CBLB: variants seen among roughly 807,000 people sequenced by gnomAD.
CBLB encodes the protein E3 ubiquitin-protein ligase CBL-B.
In CBLB, 31 loss-of-function variants were observed where a neutral mutation model predicts 104.9. That is an observed-to-expected ratio of 0.30 (90% CI 0.22 to 0.40). CBLB has a LOEUF of 0.40. Ranked by LOEUF, CBLB falls within the 10% of genes least tolerant of loss-of-function variation. The pLI is 1.00. For synonymous variants in CBLB, 440 were observed against 422.6 expected, an observed-to-expected ratio of 1.04 and a Z score of -0.51; for missense variants, 1,062 against 1,214.6, an observed-to-expected ratio of 0.87 and a Z score of 1.87.
At chr3:105,855,750 T>C (rs2091522468) in intron 2 of CBLB, among the ~76,000 whole-genome samples, 2 of 152,210 alleles carry the variant, frequency 1.3e-5, no homozygotes, top group Admixed American at 1.3e-4. Flanking sequence ...ATTATTTCTC[T>C]AATCACTTGT....
At chr3:105,867,308 G>T (rs2092480554) in intron 2 of CBLB, 102 bp downstream of exon 2, 2 of 1,057,530 alleles carry the variant, frequency 1.9e-6, no homozygotes, top group Middle Eastern at 2.4e-4. Flanking sequence ...AAAGATTGTT[G>T]CCATAACAAT....
intron 10 of CBLB, among the ~76,000 whole-genome samples, chr3:105,712,824 T>C (rs2071298253): frequency 6.6e-6 from 1 of 152,198 alleles, no homozygotes; most frequent in African/African-American, 2.4e-5. Flanking sequence ...ATACAACCAA[T>C]TGCTTGGTAA....
chr3:105,743,521 T>C (rs2075816713), intron 6 of CBLB, among the ~76,000 whole-genome samples: 1 of 151,634 alleles, frequency 6.6e-6, no homozygotes, highest in Non-Finnish European at 1.5e-5. Flanking sequence ...ATCTTTCATG[T>C]TGACGAGGTG....
intron 10 of CBLB, 89 bp from the exon 11 acceptor site, chr3:105,704,262 T>C: frequency 8.2e-7 from 1 of 1,215,236 alleles, no homozygotes; most frequent in South Asian, 1.2e-5. Context: ...TGGAAGAAGG[T>C]TTCTGGCACC....
chr3:105,679,081 G>A (rs956129365), intron 16 of CBLB, among the ~76,000 whole-genome samples: 3 of 151,884 alleles, frequency 2.0e-5, no homozygotes, highest in Admixed American at 6.6e-5. Flanking sequence ...TTAACCTAAT[G>A]TTTCATATAT....
intron 2 of CBLB, among the ~76,000 whole-genome samples, chr3:105,854,835 C>G (rs569598712): frequency 6.6e-6 from 1 of 152,014 alleles, no homozygotes; most frequent in South Asian, 2.1e-4. Context: ...ATTTCACCAT[C>G]TTTGTCAGGC....
chr3:105,690,651 G>A (rs1194473469), intron 13 of CBLB, among the ~76,000 whole-genome samples: 6 of 151,840 alleles, frequency 4.0e-5, no homozygotes, highest in Middle Eastern at 3.2e-3. Context: ...GTGAAACCCC[G>A]TCTCCACTAA....
intron 6 of CBLB, among the ~76,000 whole-genome samples, chr3:105,744,141 A>G (rs2075883975): frequency 6.6e-6 from 1 of 152,202 alleles, no homozygotes. Context: ...GTTGTTCTCA[A>G]TATTGTAATT....
At chr3:105,693,733 T>C in intron 12 of CBLB, 145 bp from the exon 13 acceptor site, 1 of 672,884 alleles carries the variant, frequency 1.5e-6, no homozygotes, top group Non-Finnish European at 2.7e-6. Flanking sequence ...CAGGAGTCAG[T>C]AGCACCACAC....
At position 105,853,459 on chromosome 3, in the gene CBLB, A is replaced by G. The variant is rs146130148; in HGVS notation, c.374T>C (p.Phe125Ser). Residue 125 changes from phenylalanine to serine, a missense_variant, in exon 3 of 19, where the codon TTT becomes TCT. Physicochemically the swap from Phe to Ser is radical, Grantham distance 155. Around this residue, in one of 2 missense-constraint regions of CBLB, gnomAD observed 457 missense variants for 632.0 expected, o/e 0.72. Transcript: ENST00000394030. ...MKKSKRAIRL[F>S]KEGKERMYEE... ...ATACATTCTCTCCTTGCCTTCTTTA[A>G]AGAGTCTTATTGCCCGTTTTGACTT... The G allele has an allele frequency of 5.0e-6, 8 of 1,613,468 alleles. No homozygotes were observed. The highest frequency in any genetic ancestry group is 6.8e-6 in the Non-Finnish European group (8 of 1,179,660).
chr3:105,721,875 C>T (rs2072885176), intron 9 of CBLB, among the ~76,000 whole-genome samples: 1 of 151,902 alleles, frequency 6.6e-6, no homozygotes, highest in Non-Finnish European at 1.5e-5. Context: ...ATCATTTAGG[C>T]AAAACTCCCC....
chr3:105,789,641 T>G (rs1480335765), intron 3 of CBLB, among the ~76,000 whole-genome samples: 1 of 152,140 alleles, frequency 6.6e-6, no homozygotes, highest in Non-Finnish European at 1.5e-5. Flanking sequence ...GAAAAACCCC[T>G]GACATTGTAT....
At chr3:105,789,675 T>C (rs548776590) in intron 3 of CBLB, among the ~76,000 whole-genome samples, 26 of 152,272 alleles carry the variant, frequency 1.7e-4, no homozygotes, top group African/African-American at 5.5e-4. Flanking sequence ...AGCAAAGACA[T>C]AGAATGTTTA....
chr3:105,868,570 T>C (rs1706555234), intron 1 of CBLB, 166 bp downstream of exon 1: 2 of 371,136 alleles, frequency 5.4e-6, no homozygotes, highest in East Asian at 1.2e-4. Flanking sequence ...CTCCCCGGCC[T>C]GCGGGTTCTG....
intron 3 of CBLB, among the ~76,000 whole-genome samples, chr3:105,841,295 CAAA>C (rs370002853): frequency 3.2e-5 from 4 of 124,032 alleles, no homozygotes; most frequent in African/African-American, 6.3e-5. Flanking sequence ...GACTTCATTT[CAAA>C]AAAAAAAAAA....
In CBLB at chr3:105,842,582, ATGG is replaced by A. The variant is rs1385747245; in HGVS notation, c.419+10829_419+10831del. Among the ~76,000 whole-genome samples, 19 of 152,302 alleles carry A rather than the reference ATGG, an allele frequency of 1.2e-4. No homozygotes were observed. In the East Asian group the frequency reaches 3.3e-3, roughly 26 times the overall value. On this transcript the variant is annotated intron_variant, in intron 3 of 18. Coordinates refer to ENST00000394030, the MANE Select transcript of CBLB (RefSeq NM_170662.5). ...GGAGTGACCCAGTGGCTTAAATAATATGGAAGAGAATCTGCTAGAGAAGCAAGT... is the reference window on the plus strand; with the variant it reads ...GGAGTGACCCAGTGGCTTAAATAATAAAGAGAATCTGCTAGAGAAGCAAGT...
chr3:105,748,513 T>C (rs139571006), intron 5 of CBLB, among the ~76,000 whole-genome samples: 283 of 152,170 alleles, frequency 1.9e-3, no homozygotes, highest in Admixed American at 3.0e-3. Context: ...AGTGGGGATA[T>C]AGAGGAAAAG....
chr3:105,841,851 T>C (rs1006381486), intron 3 of CBLB, among the ~76,000 whole-genome samples: 8 of 152,034 alleles, frequency 5.3e-5, no homozygotes, highest in African/African-American at 1.7e-4. Flanking sequence ...TACATTATGG[T>C]TTTTAAGAAA....
chr3:105,699,229 GAGA>G (rs1158534465), intron 12 of CBLB, among the ~76,000 whole-genome samples: 3 of 152,050 alleles, frequency 2.0e-5, no homozygotes, highest in South Asian at 2.1e-4. Flanking sequence ...GTGAAACAAA[GAGA>G]AGATGTTTCG....
Sources: gnomAD v4.1 joint callset for allele counts (sites outside exome capture counted in the v4.1 genomes callset) on GRCh38, gnomAD v4.1.1 for gene constraint, gnomAD v4.1.1 regional missense constraint, MANE v1.5 for transcripts, NCBI Gene and HGNC (gene_info 2026-07-23, HGNC 2026-07-21) for gene names.